Variants in SLC17A3 observed in about 807,000 individuals in gnomAD.
The protein encoded by SLC17A3 is sodium-dependent phosphate transport protein 4.
In SLC17A3, 61 loss-of-function variants were observed where a neutral mutation model predicts 60.3. The ratio of observed to expected loss-of-function variants is 1.01; its 90% CI spans 0.82 to 1.25. The LOEUF is 1.25. Among genes scored for constraint, SLC17A3 ranks in the 50% most tolerant of loss-of-function variants. SLC17A3 has a pLI of 0.00. For missense variants in SLC17A3, 624 were observed against 594.9 expected, an observed-to-expected ratio of 1.05 and a Z score of -0.51; for synonymous variants, 192 against 208.9, an observed-to-expected ratio of 0.92 and a Z score of 0.70.
In SLC17A3 at chr6:25,850,111, C is replaced by A; in HGVS notation, c.1060G>T (p.Ala354Ser). ...AACTTTTTGGTTAGAAGGAAATCTG[C>A]CAGATAGCCTCCCACCATGCCTATG... Reference protein sequence around the residue: ...WVIGMVGGYLADFLLTKKFRL... With the variant: ...WVIGMVGGYLSDFLLTKKFRL... Residue 354 changes from alanine to serine, a missense_variant, in exon 9 of 13, where the codon GCA (alanine) becomes TCA (serine). Ala to Ser is a moderately conservative substitution (Grantham distance 99, BLOSUM62 1). Coordinates refer to ENST00000397060, the MANE Select transcript of SLC17A3 (RefSeq NM_001098486.2). The A allele has an allele frequency of 6.2e-7, 1 of 1,613,738 alleles. No individual in the cohort carries two copies. The highest frequency in any genetic ancestry group is 2.2e-5 in the East Asian group (1 of 44,876).
intron 3 of SLC17A3, 25 bp downstream of exon 3, chr6:25,862,208 C>T (rs777359199): frequency 4.0e-5 from 64 of 1,592,502 alleles, no homozygotes; most frequent in Non-Finnish European, 5.3e-5. Flanking sequence ...AAGAAAAGCA[C>T]AAATTTATAT....
At chr6:25,847,796 A>C (rs1765202646) in intron 11 of SLC17A3, among the ~76,000 whole-genome samples, 1 of 151,812 alleles carries the variant, frequency 6.6e-6, no homozygotes. Flanking sequence ...ATTTGATTAC[A>C]TGAGTAAGTT....
intron 5 of SLC17A3, among the ~76,000 whole-genome samples, chr6:25,857,313 A>T (rs1362841520): frequency 6.6e-6 from 1 of 151,628 alleles, no homozygotes; most frequent in Non-Finnish European, 1.5e-5. Context: ...CTGTCTGTTC[A>T]TAATCTTTTT....
Position 25,850,491 on chromosome 6 carries a change from T to G in SLC17A3, c.961A>C (p.Ile321Leu). 6.2e-7 allele frequency: 1 copy of G among 1,613,834 alleles called. No homozygotes were observed. Among genetic ancestry groups the G allele is most frequent in the Non-Finnish European group, 8.5e-7 (1 of 1,179,832 alleles). Residue 321 changes from isoleucine (I) to leucine (L), a missense_variant, in exon 8 of 13, where the codon ATC becomes CTC. By Grantham distance (5) the Ile-to-Leu change is conservative (BLOSUM62 2). Transcript: ENST00000397060. ...ATGTTAACATGGTACACAGAGCTGATGTAAGTTGGTATGTATACAACCATT... is the reference window on the plus strand; with the variant it reads ...ATGTTAACATGGTACACAGAGCTGAGGTAAGTTGGTATGTATACAACCATT... ...STMVVYIPTY[I>L]SSVYHVNIRD... is the part of the protein sequence containing the mutation.
At position 25,850,178 on chromosome 6, in the gene SLC17A3, C is replaced by G. The variant is rs756704739; in HGVS notation, c.994-1G>C. The G allele has an allele frequency of 6.2e-7, 1 of 1,612,936 alleles. No individual in the cohort carries two copies. The highest frequency in any genetic ancestry group is 8.5e-7 in the Non-Finnish European group (1 of 1,179,318). ...AAGGAAGGGCAGATAGAAGTCCATTCTAAAGAGAAAAGATTGAGTAAATTA... is the reference window on the plus strand; with the variant it reads ...AAGGAAGGGCAGATAGAAGTCCATTGTAAAGAGAAAAGATTGAGTAAATTA... On this transcript the variant is annotated splice_acceptor_variant, in intron 8 of 12. Coordinates refer to ENST00000397060, the MANE Select transcript of SLC17A3 (RefSeq NM_001098486.2). LOFTEE classifies it high-confidence loss of function.
Position 25,849,850 on chromosome 6 carries a change from A to G in SLC17A3, c.1226T>C (p.Leu409Ser). Residue 409 changes from leucine (L) to serine (S), a missense_variant, in exon 10 of 13, where the codon TTG becomes TCG. Transcript: ENST00000397060. ...LLTLSCGLSTLCQSGIYINVL... is the reference protein window; with the variant it reads ...LLTLSCGLSTSCQSGIYINVL... ...ATTGATATAAATCCCTGACTGACAC[A>G]ATGTGCTTAATCCGCAAGAGAGCGT... 6.2e-7 allele frequency: 1 copy of G among 1,614,012 alleles called. No homozygotes were observed. Among genetic ancestry groups the G allele is most frequent in the Non-Finnish European group, 8.5e-7 (1 of 1,179,860 alleles).
At chr6:25,867,641 C>T (rs924151540) in intron 2 of SLC17A3, among the ~76,000 whole-genome samples, 3 of 151,770 alleles carry the variant, frequency 2.0e-5, no homozygotes, top group African/African-American at 7.3e-5. Flanking sequence ...AAAGAAAACC[C>T]TACAAATTAA....
At chr6:25,856,846 CAAA>C (rs70977234) in intron 5 of SLC17A3, among the ~76,000 whole-genome samples, 58 of 84,686 alleles carry the variant, frequency 6.8e-4, no homozygotes, top group Middle Eastern at 6.8e-3. Context: ...GACTCTGTCT[CAAA>C]AAAAAAAAAA....
chr6:25,850,302 C>T (rs1765251889), intron 8 of SLC17A3, 125 bp from the exon 9 acceptor site: 3 of 1,338,166 alleles, frequency 2.2e-6, no homozygotes, highest in African/African-American at 2.9e-5. Flanking sequence ...TCAGTAACCT[C>T]TTAAATCATA....
At chr6:25,865,897 C>G (rs1765526249) in intron 2 of SLC17A3, among the ~76,000 whole-genome samples, 1 of 151,948 alleles carries the variant, frequency 6.6e-6, no homozygotes, top group Admixed American at 6.6e-5. Context: ...TATTTAACTA[C>G]TGGAAGAGGG....
intron 3 of SLC17A3, 49 bp downstream of exon 3, chr6:25,862,184 A>G: frequency 6.5e-7 from 1 of 1,529,098 alleles, no homozygotes; most frequent in East Asian, 2.3e-5. Flanking sequence ...ATATCCAAGC[A>G]AATAAACAGC....
At chr6:25,858,661 T>A (rs1697871872) in intron 5 of SLC17A3, among the ~76,000 whole-genome samples, 1 of 152,232 alleles carries the variant, frequency 6.6e-6, no homozygotes, top group Non-Finnish European at 1.5e-5. Flanking sequence ...ACCAGGGCTT[T>A]AAATACCATT....
chr6:25,858,424 C>A (rs987435201), intron 5 of SLC17A3, among the ~76,000 whole-genome samples: 9 of 152,178 alleles, frequency 5.9e-5, no homozygotes, highest in African/African-American at 2.2e-4. Flanking sequence ...ACTTGCTCAA[C>A]CCCAGCAGCA....
chr6:25,858,222 C>T (rs1185244004), intron 5 of SLC17A3, among the ~76,000 whole-genome samples: 2 of 152,152 alleles, frequency 1.3e-5, no homozygotes, highest in Non-Finnish European at 2.9e-5. Flanking sequence ...AGAACCCCCT[C>T]CATGCACTTT....
chr6:25,860,635 A>G (rs1765431249), intron 5 of SLC17A3, among the ~76,000 whole-genome samples: 1 of 152,132 alleles, frequency 6.6e-6, no homozygotes, highest in Admixed American at 6.6e-5. Context: ...CTTCAACACC[A>G]AAGATGAGAA....
Position 25,855,212 on chromosome 6 carries a change from A to G in SLC17A3, c.644T>C (p.Phe215Ser). The G allele has an allele frequency of 1.2e-6, 2 of 1,613,426 alleles. No homozygotes were observed. Among genetic ancestry groups the G allele is most frequent in the Non-Finnish European group, 1.7e-6 (2 of 1,179,528 alleles). ...GAAGCCACCTATGAGGATGGCAGTA[A>G]AGCATCCCAGTAACATTCCTGCAAA... ...IALSGMLLGC[F>S]TAILIGGFIS... The change falls in exon 6 of 13, where the codon TTT becomes TCT. Residue 215 changes from phenylalanine (F) to serine (S), a missense_variant. Coordinates refer to ENST00000397060, the MANE Select transcript of SLC17A3 (RefSeq NM_001098486.2).
At position 25,861,648 on chromosome 6, in the gene SLC17A3, T is replaced by C. The variant is rs1243755833; in HGVS notation, c.601A>G (p.Arg201Gly). The C allele has an allele frequency of 5.0e-6, 8 of 1,613,966 alleles. No homozygotes were observed. The highest frequency in any genetic ancestry group is 3.3e-5 in the Admixed American group (2 of 60,008). The change falls in exon 5 of 13, where the codon AGA (arginine) becomes GGA (glycine). Residue 201 changes from arginine (R) to glycine (G), a missense_variant. By Grantham distance (125) the Arg-to-Gly change is moderately radical. Coordinates refer to ENST00000397060, the MANE Select transcript of SLC17A3 (RefSeq NM_001098486.2). ...EKWGPPQERS[R>G]LCSIALSGML... ...CCTGATAAAGCAATGCTGCAGAGTCTGCTTCGTTCTTGTGGAGGGCCCCAC... is the reference window on the plus strand; with the variant it reads ...CCTGATAAAGCAATGCTGCAGAGTCCGCTTCGTTCTTGTGGAGGGCCCCAC...
At position 25,847,995 on chromosome 6, in the gene SLC17A3, T is replaced by A. The variant is rs149621655; in HGVS notation, c.1362+1379A>T. ...CCCACTTGTGAGTGAGAATGTATGA[T>A]GTTTGGTTTTCCATTCCTGAGTTAC... On this transcript the variant is annotated intron_variant, in intron 11 of 12. Transcript: ENST00000397060. 8.4e-4 allele frequency among the ~76,000 whole-genome samples: 128 copies of A among 152,346 alleles called. 1 individual carries two copies. Among genetic ancestry groups the A allele is most frequent in the Admixed American group, 1.4e-3 (21 of 15,308 alleles).
chr6:25,857,203 T>G (rs1277224640), intron 5 of SLC17A3, among the ~76,000 whole-genome samples: 1 of 151,500 alleles, frequency 6.6e-6, no homozygotes, highest in Non-Finnish European at 1.5e-5. Flanking sequence ...AAAAAAAAAG[T>G]AGAGTAAATA....
Sources: gnomAD v4.1 joint callset for allele counts (sites outside exome capture counted in the v4.1 genomes callset) on GRCh38, gnomAD v4.1.1 for gene constraint, MANE v1.5 for transcripts, NCBI Gene and HGNC (gene_info 2026-07-23, HGNC 2026-07-21) for gene names.